Variants in EXOC4 observed in about 807,000 individuals in gnomAD.
The protein encoded by EXOC4 is SEC8-like 1.
EXOC4 carries 71 observed loss-of-function variants against 107.2 expected under a neutral mutation model. The observed-to-expected ratio is 0.66, with a 90% CI of 0.55 to 0.81. EXOC4 has a LOEUF of 0.81. Ranked by LOEUF, EXOC4 falls within the 30% of genes least tolerant of loss-of-function variation. The pLI is 0.00. For synonymous variants in EXOC4, 456 were observed against 441.2 expected (o/e 1.03, Z -0.42); for missense variants, 1,108 against 1,189.6 (o/e 0.93, Z 1.01).
chr7:133,815,633 A>T lies in EXOC4; in HGVS notation c.1515-1692A>T, dbSNP rs1029509103. On this transcript the variant is annotated intron_variant, in intron 10 of 17. Coordinates refer to ENST00000253861, the MANE Select transcript of EXOC4 (RefSeq NM_021807.4). ...TTCTGAGTTTGGCTCGGTTGCCAGC[A>T]TTTTATCCTTTATTTTTTCTGTGTT... 5.3e-5 allele frequency among the ~76,000 whole-genome samples: 8 copies of T among 152,088 alleles called. 1 individual carries two copies. The highest frequency in any genetic ancestry group is 1.9e-4 in the African/African-American group (8 of 41,400).
rs141673740 is a variant in EXOC4 at position 133,810,146 on chromosome 7, T to G, written c.1515-7179T>G. Among the ~76,000 whole-genome samples, 18 of 152,346 alleles carry G rather than the reference T, an allele frequency of 1.2e-4. No individual in the cohort carries two copies. In the East Asian group the frequency reaches 3.1e-3, roughly 26 times the overall value. On this transcript the variant is annotated intron_variant, in intron 10 of 17. Transcript: ENST00000253861. ...ATACTTATTTAATAAGCAATTATTT[T>G]TATTCAAATAAATAAAACATCACTG...
intron 9 of EXOC4, among the ~76,000 whole-genome samples, chr7:133,629,530 TTTTGTTTG>T (rs10699272): frequency 1.3e-5 from 2 of 149,740 alleles, no homozygotes; most frequent in Non-Finnish European, 1.5e-5. Context: ...TTTTGTTTTG[TTTTGTTTG>T]TTTGTTTGTT....
At chr7:133,957,706 G>A (rs897159691) in intron 14 of EXOC4, among the ~76,000 whole-genome samples, 3 of 152,070 alleles carry the variant, frequency 2.0e-5, no homozygotes, top group Non-Finnish European at 2.9e-5. Context: ...GCTTCTATTC[G>A]CTTCAGCAGA....
chr7:133,483,957 G>A (rs192080233), intron 9 of EXOC4: 2 of 1,456,900 alleles, frequency 1.4e-6, no homozygotes, highest in East Asian at 2.3e-5. Flanking sequence ...GAAGATTTTT[G>A]TTTCTTCTGT....
At chr7:133,838,637 G>A (rs1034588032) in intron 11 of EXOC4, among the ~76,000 whole-genome samples, 1 of 152,232 alleles carries the variant, frequency 6.6e-6, no homozygotes, top group South Asian at 2.1e-4. Context: ...CTCATGTTTT[G>A]CATTTTGAAC....
In EXOC4 at chr7:133,631,057, G is replaced by A. The variant is rs183727968; in HGVS notation, c.1514+916G>A. ...CATTTAAAAAAGGTTGATGGTAAAT[G>A]TAATGTTATGTATTTTTTTACCACA... On this transcript the variant is annotated intron_variant, in intron 10 of 17. Transcript: ENST00000253861. 1.3e-3 allele frequency among the ~76,000 whole-genome samples: 194 copies of A among 152,212 alleles called. 1 individual carries two copies. Among genetic ancestry groups the A allele is most frequent in the African/African-American group, 4.5e-3 (186 of 41,556 alleles).
At chr7:133,536,994 G>A (rs1800282595) in intron 9 of EXOC4, among the ~76,000 whole-genome samples, 1 of 152,146 alleles carries the variant, frequency 6.6e-6, no homozygotes, top group African/African-American at 2.4e-5. Flanking sequence ...ACTCAGAAAT[G>A]TATCCTGTTT....
At chr7:133,522,253 C>T (rs1044094563) in intron 9 of EXOC4, among the ~76,000 whole-genome samples, 14 of 152,108 alleles carry the variant, frequency 9.2e-5, no homozygotes, top group African/African-American at 2.2e-4. Flanking sequence ...ATGCATAATA[C>T]GTGTTATTTG....
chr7:133,371,812 T>A (rs1372866606), intron 6 of EXOC4, among the ~76,000 whole-genome samples: 4 of 152,216 alleles, frequency 2.6e-5, no homozygotes, highest in Non-Finnish European at 4.4e-5. Context: ...ACTGCCAAAC[T>A]GTTTTCCAAA....
intron 13 of EXOC4, among the ~76,000 whole-genome samples, chr7:133,935,053 A>G (rs986083962): frequency 6.6e-6 from 1 of 151,978 alleles, no homozygotes; most frequent in Non-Finnish European, 1.5e-5. Flanking sequence ...TTTCTCTGCT[A>G]TGACATGAAG....
intron 12 of EXOC4, among the ~76,000 whole-genome samples, chr7:133,903,149 G>A (rs1799492506): frequency 6.6e-6 from 1 of 152,212 alleles, no homozygotes; most frequent in Admixed American, 6.5e-5. Flanking sequence ...AGTAAAGTGA[G>A]CGAGAGGAGG....
At chr7:134,035,118 T>C (rs368773736) in intron 17 of EXOC4, among the ~76,000 whole-genome samples, 1 of 150,086 alleles carries the variant, frequency 6.7e-6, no homozygotes, top group East Asian at 2.0e-4. Context: ...TGATCTGGGC[T>C]CACTGCAGCC....
At chr7:133,614,158 A>G (rs1194551742) in intron 9 of EXOC4, among the ~76,000 whole-genome samples, 2 of 151,820 alleles carry the variant, frequency 1.3e-5, no homozygotes, top group Non-Finnish European at 2.9e-5. Context: ...GGGGGAAAAA[A>G]TGCCACAAAG....
chr7:133,616,923 T>C (rs1231691566), intron 9 of EXOC4, among the ~76,000 whole-genome samples: 1 of 152,080 alleles, frequency 6.6e-6, no homozygotes, highest in Non-Finnish European at 1.5e-5. Flanking sequence ...ATCTAAGAAA[T>C]CAAAATTCAT....
chr7:133,710,872 A>G (rs144876384), intron 10 of EXOC4, among the ~76,000 whole-genome samples: 41 of 151,790 alleles, frequency 2.7e-4, no homozygotes, highest in African/African-American at 9.9e-4. Context: ...ATCCTAAATC[A>G]GAAAACCATG....
At chr7:134,007,956 A>T in intron 17 of EXOC4, 121 bp downstream of exon 17, 1 of 914,478 alleles carries the variant, frequency 1.1e-6, no homozygotes, top group Non-Finnish European at 1.6e-6. Flanking sequence ...AGAAAGAAGC[A>T]CAGATAGATG....
chr7:133,256,072 T>C (rs964543082), intron 1 of EXOC4, among the ~76,000 whole-genome samples: 1 of 152,036 alleles, frequency 6.6e-6, no homozygotes, highest in Non-Finnish European at 1.5e-5. Flanking sequence ...AGCTCCGCCT[T>C]CCGGGTTCAC....
chr7:134,097,689 T>A, the EXOC4 span, among the ~76,000 whole-genome samples: 7 of 152,218 alleles, frequency 4.6e-5, no homozygotes, highest in Admixed American at 3.3e-4. Flanking sequence ...CACAACTTGA[T>A]GTGGGAGGGA....
intron 7 of EXOC4, among the ~76,000 whole-genome samples, chr7:133,457,451 CAGCAAGAAGCAAGTGCAGTATAT>C (rs1584932311): frequency 6.6e-6 from 1 of 152,272 alleles, no homozygotes; most frequent in East Asian, 1.9e-4. Flanking sequence ...GAAAGGGCAC[CAGCAAGAAGCAAGTGCAGTATAT>C]AGCTCAGCAC....
Sources: gnomAD v4.1 joint callset for allele counts (sites outside exome capture counted in the v4.1 genomes callset) on GRCh38, gnomAD v4.1.1 for gene constraint, MANE v1.5 for transcripts, NCBI Gene and HGNC (gene_info 2026-07-23, HGNC 2026-07-21) for gene names.